Variants in TUSC3 observed in about 807,000 individuals in gnomAD.
The protein encoded by TUSC3 is tumor suppressor candidate 3.
In TUSC3, 45 loss-of-function variants were observed where a neutral mutation model predicts 44.8. The ratio of observed to expected loss-of-function variants is 1.00; its 90% CI spans 0.79 to 1.29. TUSC3 has a LOEUF of 1.29. Ranked by LOEUF, TUSC3 falls within the 50% of genes most tolerant of loss-of-function variation. The pLI is 0.00. For missense variants in TUSC3, 519 were observed against 437.9 expected (o/e 1.19, Z -1.65); for synonymous variants, 212 against 152.9 (o/e 1.39, Z -2.85).
At chr8:15,458,715 G>A (rs1448861870) in intron 1 of TUSC3, among the ~76,000 whole-genome samples, 2 of 152,096 alleles carry the variant, frequency 1.3e-5, no homozygotes, top group East Asian at 3.9e-4. Context: ...CAAGATAAAT[G>A]AACTAATTTT....
chr8:15,686,491 A>ATT (rs535686493), intron 6 of TUSC3, among the ~76,000 whole-genome samples: 1 of 148,830 alleles, frequency 6.7e-6, no homozygotes, highest in Non-Finnish European at 1.5e-5. Flanking sequence ...TCATCGAGGC[A>ATT]TTTTTTTTTT....
At chr8:15,786,812 T>C in the TUSC3 span, among the ~76,000 whole-genome samples, 1 of 151,314 alleles carries the variant, frequency 6.6e-6, no homozygotes, top group Admixed American at 6.6e-5. Flanking sequence ...GGTGTGGTGG[T>C]GGGCGCCTGT....
chr8:15,851,437 A>G, the TUSC3 span, among the ~76,000 whole-genome samples: 1 of 152,210 alleles, frequency 6.6e-6, no homozygotes, highest in Non-Finnish European at 1.5e-5. Flanking sequence ...ATAAAATTAC[A>G]GTGAATTATT....
At chr8:15,751,475 G>T (rs1048559399) in intron 9 of TUSC3, among the ~76,000 whole-genome samples, 5 of 151,994 alleles carry the variant, frequency 3.3e-5, no homozygotes, top group African/African-American at 1.2e-4. Context: ...TATACTACCG[G>T]TTCTCACTCT....
the TUSC3 span, among the ~76,000 whole-genome samples, chr8:15,800,575 A>T: frequency 3.8e-5 from 5 of 130,194 alleles, no homozygotes; most frequent in Admixed American, 7.7e-5. Context: ...CCCTGTCTTT[A>T]AAAAAAAAAA....
chr8:15,479,482 A>T (rs1800630034), intron 1 of TUSC3, among the ~76,000 whole-genome samples: 1 of 152,126 alleles, frequency 6.6e-6, no homozygotes, highest in African/African-American at 2.4e-5. Context: ...GAAGGGTTTG[A>T]GTTTCAATTT....
chr8:15,794,396 T>C, the TUSC3 span, among the ~76,000 whole-genome samples: 1 of 152,138 alleles, frequency 6.6e-6, no homozygotes, highest in Admixed American at 6.6e-5. Context: ...CATACAAAAT[T>C]GATGATTCCT....
chr8:15,584,703 G>A (rs1021514905), intron 1 of TUSC3, among the ~76,000 whole-genome samples: 1 of 152,104 alleles, frequency 6.6e-6, no homozygotes, highest in East Asian at 1.9e-4. Flanking sequence ...GTGTATGGGT[G>A]GGGGTGGTGA....
At chr8:15,610,254 C>T (rs1384079555) in intron 1 of TUSC3, among the ~76,000 whole-genome samples, 1 of 152,030 alleles carries the variant, frequency 6.6e-6, no homozygotes, top group African/African-American at 2.4e-5. Context: ...TTTGTTATTA[C>T]CACAAGTATC....
chr8:15,705,211 T>G (rs1445824639), intron 6 of TUSC3, among the ~76,000 whole-genome samples: 2 of 151,952 alleles, frequency 1.3e-5, no homozygotes, highest in Non-Finnish European at 2.9e-5. Flanking sequence ...AGACATTGAT[T>G]TGATGATGAA....
At chr8:15,693,591 T>C (rs1207146261) in intron 6 of TUSC3, among the ~76,000 whole-genome samples, 1 of 152,000 alleles carries the variant, frequency 6.6e-6, no homozygotes, top group Non-Finnish European at 1.5e-5. Flanking sequence ...TTTTTTTTCC[T>C]TTCATTTTGA....
the TUSC3 span, among the ~76,000 whole-genome samples, chr8:15,846,590 A>C: frequency 2.0e-5 from 3 of 152,140 alleles, no homozygotes; most frequent in African/African-American, 7.2e-5. Context: ...CATCATTTTC[A>C]GCAAACTAAC....
At chr8:15,789,758 C>CA in the TUSC3 span, among the ~76,000 whole-genome samples, 1 of 152,088 alleles carries the variant, frequency 6.6e-6, no homozygotes. Flanking sequence ...CAATAAGAAA[C>CA]AGGACAGATA....
chr8:15,691,264 G>C (rs1275239504), intron 6 of TUSC3, among the ~76,000 whole-genome samples: 1 of 152,094 alleles, frequency 6.6e-6, no homozygotes, highest in African/African-American at 2.4e-5. Flanking sequence ...TATTCTTTTT[G>C]TGGCAGTTGT....
chr8:15,425,969 T>C (rs918226516), intron 1 of TUSC3, among the ~76,000 whole-genome samples: 1 of 152,238 alleles, frequency 6.6e-6, no homozygotes, highest in South Asian at 2.1e-4. Flanking sequence ...TGAGCCATTA[T>C]TGTGCCATTG....
chr8:15,737,223 ATTCT>A (rs1367829596), intron 7 of TUSC3, among the ~76,000 whole-genome samples: 2 of 152,138 alleles, frequency 1.3e-5, no homozygotes, highest in African/African-American at 4.8e-5. Context: ...TAGATTTAGA[ATTCT>A]TTAAGTAAGT....
At chr8:15,817,505 G>A in the TUSC3 span, among the ~76,000 whole-genome samples, 4 of 152,128 alleles carry the variant, frequency 2.6e-5, no homozygotes, top group Non-Finnish European at 1.5e-5. Context: ...GAGGGACCTC[G>A]TGGGAGGTAA....
At chr8:15,662,117 T>C in intron 4 of TUSC3, 39 bp from the exon 5 acceptor site, 2 of 1,610,220 alleles carry the variant, frequency 1.2e-6, no homozygotes, top group Non-Finnish European at 1.7e-6. Flanking sequence ...AAAATTTTAT[T>C]TTTCTTTCAT....
At chr8:15,712,626 A>G (rs1044912966) in intron 6 of TUSC3, among the ~76,000 whole-genome samples, 19 of 152,002 alleles carry the variant, frequency 1.2e-4, no homozygotes, top group Admixed American at 4.6e-4. Flanking sequence ...TTTCTTTTCA[A>G]CCGTCTATCT....
Sources: gnomAD v4.1 joint callset for allele counts (sites outside exome capture counted in the v4.1 genomes callset) on GRCh38, gnomAD v4.1.1 for gene constraint, MANE v1.5 for transcripts, NCBI Gene and HGNC (gene_info 2026-07-23, HGNC 2026-07-21) for gene names.